Variants in AMY2B observed in about 807,000 individuals in gnomAD.
AMY2B encodes alpha-amylase 2B.
A neutral mutation model predicts 59.3 loss-of-function variants in AMY2B; 63 were observed. That is an observed-to-expected ratio of 1.06 (90% CI 0.87 to 1.31). AMY2B has a LOEUF of 1.31. AMY2B is among the 50% of genes most tolerant of loss of function. AMY2B has a pLI of 0.00. For missense variants in AMY2B, 635 were observed against 626.7 expected (o/e 1.01, Z -0.14); for synonymous variants, 180 against 198.1 (o/e 0.91, Z 0.77).
chr1:103,573,739 A>G lies in AMY2B; in HGVS notation c.545A>G (p.Asp182Gly). 1.2e-6 allele frequency: 2 copies of G among 1,613,708 alleles called. No individual in the cohort carries two copies. The highest frequency in any genetic ancestry group is 1.3e-5 in the African/African-American group (1 of 75,032). ...GATTGTCGTCTGGTTGGTCTTCTTG[A>G]TCTTGCACTGGAGAAAGATTATGTG... ...VRDCRLVGLL[D>G]LALEKDYVRS... The change falls in exon 4 of 10, where the codon GAT (aspartate) becomes GGT (glycine). Residue 182 changes from aspartate to glycine, a missense_variant. Transcript: ENST00000684275.
In AMY2B at chr1:103,571,609, T is replaced by C. The variant is rs752281162; in HGVS notation, c.7T>C (p.Phe3Leu). The change falls in exon 1 of 10, where the codon TTC (phenylalanine) becomes CTC (leucine). Residue 3 changes from phenylalanine (F) to leucine (L), a missense_variant. Transcript: ENST00000684275. ...CTGACAACTTCAAAGCAAAATGAAG[T>C]TCTTTCTGTTGCTTTTCACCATTGG... The part of the protein sequence containing the change: MK[F>L]FLLLFTIGFC... 8.1e-6 allele frequency: 13 copies of C among 1,610,946 alleles called. No homozygotes were observed. The highest frequency in any genetic ancestry group is 6.7e-5 in the African/African-American group (5 of 74,852).
chr1:103,575,133 C>T (rs1652299150), intron 5 of AMY2B, 90 bp from the exon 6 acceptor site: 5 of 1,566,718 alleles, frequency 3.2e-6, no homozygotes, highest in Non-Finnish European at 3.5e-6. Flanking sequence ...TCTTCAGATG[C>T]CATGCCATGC....
rs188926833 is a variant in AMY2B, at chr1:103,557,227, C to G, written c.-207+2118C>G. On this transcript the variant is annotated intron_variant, in intron 1 of 11. Transcript: ENST00000361355. ...TTGAATAAGCATCAGGAAATATATA[C>G]CCTGTACCCAACATGCACAAGGTCT... Among the ~76,000 whole-genome samples the G allele has an allele frequency of 2.7e-3, 405 of 152,142 alleles. 2 individuals are homozygous for G. The highest frequency in any genetic ancestry group is 5.1e-3 in the Non-Finnish European group (345 of 68,006).
intron 1 of AMY2B, 83 bp from the exon 2 acceptor site, chr1:103,572,027 T>A: frequency 6.3e-7 from 1 of 1,590,854 alleles, no homozygotes; most frequent in Non-Finnish European, 8.5e-7. Context: ...ATTCAAGAAT[T>A]TTTTATATTA....
At chr1:103,560,268 A>G (rs1167914502) in intron 1 of AMY2B, among the ~76,000 whole-genome samples, 4 of 152,148 alleles carry the variant, frequency 2.6e-5, no homozygotes, top group South Asian at 4.1e-4. Context: ...ACATGTTATA[A>G]GGTGAGTAAA....
chr1:103,570,737 C>A, upstream of AMY2B: 1 of 514,560 alleles, frequency 1.9e-6, no homozygotes, highest in East Asian at 5.6e-5. Flanking sequence ...AAAATTTGCC[C>A]CTGGCAAATG....
chr1:103,579,472 T>C lies in AMY2B; in HGVS notation c.1508T>C (p.Ile503Thr). Residue 503 changes from isoleucine to threonine, a missense_variant, in exon 10 of 10, where the codon ATT (isoleucine) becomes ACT (threonine). Physicochemically the swap from Ile to Thr is moderately conservative, Grantham distance 89. Transcript: ENST00000684275. Reference sequence around the variant, plus strand: ...AGTAACTCTGCTGAGGATCCATTTATTGCAATTCATGCTGAATCTAAATTA... The same window carrying C: ...AGTAACTCTGCTGAGGATCCATTTACTGCAATTCATGCTGAATCTAAATTA... The part of the protein sequence containing the change: ...SISNSAEDPF[I>T]AIHAESKL 1.2e-6 allele frequency: 2 copies of C among 1,611,474 alleles called. No individual in the cohort carries two copies.
At position 103,577,534 on chromosome 1, in the gene AMY2B, T is replaced by G. The variant is rs181502776; in HGVS notation, c.1146T>G (p.Ile382Met). ...WVGPPNNNGV[I>M]KEVTINPDTT... ...GGCCACCAAATAATAATGGAGTAAT[T>G]AAAGAAGTTACTATTAATCCAGACA... The change falls in exon 8 of 10, where the codon ATT (isoleucine) becomes ATG (methionine). Residue 382 changes from isoleucine to methionine, a missense_variant. By Grantham distance (10) the Ile-to-Met change is conservative. Transcript: ENST00000684275. 1.1e-4 allele frequency: 181 copies of G among 1,611,914 alleles called. 1 individual carries two copies. The East Asian group carries it at 3.5e-3, about 31-fold the overall frequency.
intron 5 of AMY2B, 32 bp downstream of exon 5, chr1:103,574,425 T>A (rs1652263804): frequency 1.2e-6 from 2 of 1,609,452 alleles, no homozygotes; most frequent in African/African-American, 2.7e-5. Flanking sequence ...CCTGAAGTAT[T>A]TCATAGATTT....
chr1:103,567,270 GATATTTCATATAAAAT>G (rs1651941239), upstream of AMY2B, among the ~76,000 whole-genome samples: 1 of 151,988 alleles, frequency 6.6e-6, no homozygotes, highest in Non-Finnish European at 1.5e-5. Flanking sequence ...ATGAAGGTAT[GATATTTCATATAAAAT>G]ATGAGGAACT....
chr1:103,570,980 T>C (rs1305950553), upstream of AMY2B: 1 of 355,868 alleles, frequency 2.8e-6, no homozygotes, highest in Non-Finnish European at 5.3e-6. Flanking sequence ...AAGTCTGGCT[T>C]GGTGAGTCTG....
At chr1:103,563,651 C>G (rs1651810641) in intron 1 of AMY2B, among the ~76,000 whole-genome samples, 1 of 152,058 alleles carries the variant, frequency 6.6e-6, no homozygotes, top group African/African-American at 2.4e-5. Context: ...CTAACTCTAC[C>G]TTTCATGCAG....
chr1:103,571,235 C>A, upstream of AMY2B: 1 of 666,702 alleles, frequency 1.5e-6, no homozygotes. Context: ...TAAATGTATT[C>A]ATCCTTTTAA....
At position 103,572,111 on chromosome 1, in the gene AMY2B, T is replaced by A. The variant is rs748590558; in HGVS notation, c.170T>A (p.Val57Asp). 4 of 1,611,488 alleles carry A rather than the reference T, an allele frequency of 2.5e-6. No individual in the cohort carries two copies. Among genetic ancestry groups the A allele is most frequent in the East Asian group, 4.5e-5 (2 of 44,800 alleles). The stretch of plus-strand genomic sequence containing the variant: ...TTATGAAGACTGTTTAATTTGTAGG[T>A]CTCTCCACCAAATGAAAATGTTGCA... ...LAPKGFGGVQ[V>D]SPPNENVAIH... The change falls in exon 2 of 10, where the codon GTC becomes GAC. Residue 57 changes from valine to aspartate, a missense_variant and splice_region_variant. Transcript: ENST00000684275.
rs1371396124 is a variant in AMY2B, at chr1:103,577,612, A to G, written c.1220+4A>G. On this transcript the variant is annotated splice_donor_region_variant and intron_variant, in intron 8 of 9. Coordinates refer to ENST00000684275, the MANE Select transcript of AMY2B (RefSeq NM_001387437.1). ...AACATCGATGGCGCCAAATAAGGTGAGAATATGTATTTAGACATGTCCTCT... is the reference window on the plus strand; with the variant it reads ...AACATCGATGGCGCCAAATAAGGTGGGAATATGTATTTAGACATGTCCTCT... The G allele has an allele frequency of 6.2e-7, 1 of 1,611,806 alleles. No homozygotes were observed.
chr1:103,558,018 T>C (rs1026278598), intron 1 of AMY2B, among the ~76,000 whole-genome samples: 1 of 152,218 alleles, frequency 6.6e-6, no homozygotes, highest in Non-Finnish European at 1.5e-5. Context: ...GAAAATTCTT[T>C]TATTTTTCCT....
At chr1:103,567,013 C>G (rs760160008), upstream of AMY2B, among the ~76,000 whole-genome samples, 3 of 151,998 alleles carry the variant, frequency 2.0e-5, no homozygotes, top group Non-Finnish European at 4.4e-5. Flanking sequence ...CTTCAAGAAG[C>G]TTGGTCCAGA....
chr1:103,571,894 T>C (rs1652146698), intron 1 of AMY2B, 124 bp downstream of exon 1: 1 of 1,587,160 alleles, frequency 6.3e-7, no homozygotes, highest in Non-Finnish European at 8.6e-7. Context: ...GTAAGAGTTT[T>C]CTGAGGAAAA....
intron 1 of AMY2B, among the ~76,000 whole-genome samples, chr1:103,564,487 T>A (rs923102251): frequency 1.3e-5 from 2 of 152,156 alleles, no homozygotes; most frequent in Non-Finnish European, 2.9e-5. Flanking sequence ...TCATCTCGGG[T>A]AATAAAACTC....
Sources: gnomAD v4.1 joint callset for allele counts (sites outside exome capture counted in the v4.1 genomes callset) on GRCh38, gnomAD v4.1.1 for gene constraint, MANE v1.5 for transcripts, NCBI Gene and HGNC (gene_info 2026-07-23, HGNC 2026-07-21) for gene names.